The following MROH2B variants were observed in gnomAD, a reference collection of about 807,000 sequenced individuals.
The protein encoded by MROH2B is maestro heat-like repeat-containing protein family member 2B.
MROH2B carries 177 observed loss-of-function variants against 208.6 expected under a neutral mutation model. That is an observed-to-expected ratio of 0.85 (90% CI 0.75 to 0.96). MROH2B has a LOEUF of 0.96. Among genes scored for constraint, MROH2B ranks in the 40% least tolerant of loss-of-function variants. The pLI, the probability that MROH2B is intolerant of heterozygous loss-of-function variation, is 0.00. For synonymous variants in MROH2B, 728 were observed against 659.0 expected (o/e 1.10, Z -1.60); for missense variants, 2,002 against 1,878.7 (o/e 1.07, Z -1.21).
At chr5:41,058,011 G>A (rs1579956176) in intron 7 of MROH2B, 52 bp downstream of exon 7, 2 of 1,421,682 alleles carry the variant, frequency 1.4e-6, no homozygotes, top group South Asian at 3.4e-5. Context: ...AAGCCTCCCG[G>A]AGGGTTGCAT....
intron 5 of MROH2B, 140 bp downstream of exon 5, chr5:41,064,332 G>A: frequency 1.6e-6 from 1 of 641,026 alleles, no homozygotes; most frequent in Non-Finnish European, 2.7e-6. Flanking sequence ...CTTTCCATGT[G>A]GTAGGCACTC....
At chr5:41,061,755 G>C (rs1170964867) in intron 5 of MROH2B, 31 bp from the exon 6 acceptor site, 1 of 1,601,292 alleles carries the variant, frequency 6.2e-7, no homozygotes, top group African/African-American at 1.3e-5. Context: ...CACAGACTGA[G>C]AAAAATATAA....
At chr5:41,060,307 G>A (rs1743596585) in intron 6 of MROH2B, among the ~76,000 whole-genome samples, 1 of 151,976 alleles carries the variant, frequency 6.6e-6, no homozygotes, top group Admixed American at 6.6e-5. Context: ...TGTTAATGTT[G>A]ATATTAGAAT....
chr5:41,069,644 A>G (rs776335996), intron 2 of MROH2B, 47 bp downstream of exon 2: 4 of 1,420,932 alleles, frequency 2.8e-6, no homozygotes, highest in Admixed American at 3.9e-5. Flanking sequence ...AAATGTTGCA[A>G]CAAGAAGACT....
At chr5:41,022,635 C>T (rs548562345) in intron 24 of MROH2B, among the ~76,000 whole-genome samples, 5 of 152,290 alleles carry the variant, frequency 3.3e-5, no homozygotes, top group African/African-American at 4.8e-5. Context: ...AGGGCATAGC[C>T]GAACAAAAGG....
Position 41,032,831 on chromosome 5 carries a change from A to G in MROH2B, c.2362-10T>C. The G allele has an allele frequency of 1.2e-6, 2 of 1,608,092 alleles. No individual in the cohort carries two copies. The highest frequency in any genetic ancestry group is 1.7e-6 in the Non-Finnish European group (2 of 1,176,858). ...CGTCTCTAATGAAGTCCTGAAACAT[A>G]AATAAGGAGATTAAATGTTTCAGAA... is the stretch of plus-strand genomic sequence containing the variant. On this transcript the variant is annotated splice_polypyrimidine_tract_variant and intron_variant, in intron 23 of 41. Transcript: ENST00000399564.
intron 21 of MROH2B, 141 bp downstream of exon 21, chr5:41,038,595 T>G: frequency 5.7e-6 from 4 of 700,464 alleles, no homozygotes; most frequent in Non-Finnish European, 8.7e-6. Context: ...CCACGAGACA[T>G]TTACTGTATT....
chr5:41,065,861 C>G (rs553890511), intron 3 of MROH2B, among the ~76,000 whole-genome samples: 2 of 152,270 alleles, frequency 1.3e-5, no homozygotes, highest in South Asian at 4.1e-4. Context: ...CTGTTCTCTA[C>G]TATACAGCCA....
At position 41,067,151 on chromosome 5, in the gene MROH2B, T is replaced by C. The variant is rs1182376064; in HGVS notation, c.158A>G (p.Gln53Arg). ...NTDILDDAIV[Q>R]RLIYYASKDM... ...CTTAGAAGCATAATAAATCAATCGT[T>C]GGACAATTGCATCATCCAAGATGTC... Residue 53 changes from glutamine to arginine, a missense_variant, in exon 3 of 42, where the codon CAA becomes CGA. By Grantham distance (43) the Gln-to-Arg change is conservative (BLOSUM62 1). Transcript: ENST00000399564. The C allele has an allele frequency of 1.3e-6, 2 of 1,556,340 alleles. No homozygotes were observed. Among genetic ancestry groups the C allele is most frequent in the Non-Finnish European group, 8.7e-7 (1 of 1,148,646 alleles).
At position 41,018,763 on chromosome 5, in the gene MROH2B, G is replaced by A. The variant is rs182320768; in HGVS notation, c.2601C>T (p.Asp867=). The part of the protein sequence containing the change: ...HIQFLYERSM[D]ALGKLLKTMM... ...TGGTCTTCAGAAGTTTTCCTAGGGC[G>A]TCCATGGATCGTTCATAGAGAAACT... Residue 867 remains aspartate (D), a synonymous_variant, in exon 26 of 42, where the codon GAC becomes GAT. Coordinates refer to ENST00000399564, the MANE Select transcript of MROH2B (RefSeq NM_173489.5). The A allele has an allele frequency of 7.6e-5, 123 of 1,613,848 alleles. No homozygotes were observed. The East Asian group carries it at 1.8e-3, about 24-fold the overall frequency.
At position 41,071,098 on chromosome 5, in the gene MROH2B, A is replaced by G. The variant is rs920212076; in HGVS notation, c.-246T>C. 6 of 449,066 alleles carry G rather than the reference A, an allele frequency of 1.3e-5. No individual in the cohort carries two copies. The highest frequency in any genetic ancestry group is 1.0e-4 in the East Asian group (3 of 28,652). The allele number at this position is 449,066 out of a possible 1,614,324, so 27.8% of individuals were successfully genotyped here. A position where few individuals can be genotyped will look rare whatever the true frequency, so the allele number is the denominator to read the frequency against. ...CTTGCGTCTGAACTCCTGCTAACCAACAAAATGGCTGCATCTCACCAAATA... is the reference window on the plus strand; with the variant it reads ...CTTGCGTCTGAACTCCTGCTAACCAGCAAAATGGCTGCATCTCACCAAATA... On this transcript the variant is annotated 5_prime_UTR_variant, in exon 1 of 42. Coordinates refer to ENST00000399564, the MANE Select transcript of MROH2B (RefSeq NM_173489.5).
intron 18 of MROH2B, among the ~76,000 whole-genome samples, chr5:41,043,695 T>C (rs1743029781): frequency 6.6e-6 from 1 of 152,222 alleles, no homozygotes; most frequent in African/African-American, 2.4e-5. Flanking sequence ...TTTCTGTCCA[T>C]GTCTCCTTAC....
intron 35 of MROH2B, 91 bp from the exon 36 acceptor site, chr5:41,005,011 G>A (rs2111806463): frequency 1.3e-6 from 2 of 1,491,916 alleles, no homozygotes; most frequent in Non-Finnish European, 1.8e-6. Flanking sequence ...CAATTAAAGA[G>A]AGGACCCCAC....
intron 5 of MROH2B, 137 bp downstream of exon 5, chr5:41,064,335 A>G: frequency 1.6e-6 from 1 of 645,048 alleles, no homozygotes; most frequent in Non-Finnish European, 2.7e-6. Flanking sequence ...TCCATGTGGT[A>G]GGCACTCAAT....
In MROH2B at chr5:41,017,834, C is replaced by T. The variant is rs189619270; in HGVS notation, c.2884+16G>A. 2.1e-4 allele frequency: 327 copies of T among 1,568,604 alleles called. 1 individual carries two copies. Among genetic ancestry groups the T allele is most frequent in the Admixed American group, 6.4e-4 (33 of 51,612 alleles). On this transcript the variant is annotated intron_variant, in intron 28 of 41. Transcript: ENST00000399564. ...GTTTCTTTTCTTCATTTGTGGGTTCCCCATCTTTCCCTCACCTTTTATATA... is the reference window on the plus strand; with the variant it reads ...GTTTCTTTTCTTCATTTGTGGGTTCTCCATCTTTCCCTCACCTTTTATATA...
chr5:41,022,936 C>A (rs1157261880), intron 24 of MROH2B, among the ~76,000 whole-genome samples: 2 of 152,082 alleles, frequency 1.3e-5, no homozygotes, highest in Non-Finnish European at 2.9e-5. Context: ...CAAACAGGGT[C>A]TGGAGTGGAC....
chr5:41,029,587 G>T (rs1350237246), intron 24 of MROH2B, among the ~76,000 whole-genome samples: 3 of 152,082 alleles, frequency 2.0e-5, no homozygotes, highest in African/African-American at 7.2e-5. Flanking sequence ...AAAGAATTAA[G>T]TTGGACCCTT....
At chr5:41,049,835 G>A (rs910542054) in intron 13 of MROH2B, among the ~76,000 whole-genome samples, 4 of 152,160 alleles carry the variant, frequency 2.6e-5, no homozygotes, top group African/African-American at 9.7e-5. Flanking sequence ...GACTTCCCCA[G>A]TTGAGAAGCT....
At chr5:41,041,389 G>A (rs1742942015) in intron 19 of MROH2B, among the ~76,000 whole-genome samples, 1 of 152,168 alleles carries the variant, frequency 6.6e-6, no homozygotes, top group Admixed American at 6.5e-5. Flanking sequence ...CGCTTTGGAA[G>A]GCTGAGGTGG....
Sources: gnomAD v4.1 joint callset for allele counts (sites outside exome capture counted in the v4.1 genomes callset) on GRCh38, gnomAD v4.1.1 for gene constraint, MANE v1.5 for transcripts, NCBI Gene and HGNC (gene_info 2026-07-23, HGNC 2026-07-21) for gene names.